YWHAB: variants seen among roughly 807,000 people sequenced by gnomAD.
YWHAB encodes the protein 14-3-3 protein beta/alpha.
A neutral mutation model predicts 28.5 loss-of-function variants in YWHAB; 2 were observed. That is an observed-to-expected ratio of 0.07 (90% CI 0.03 to 0.22). YWHAB has a LOEUF of 0.22. YWHAB is among the 10% of genes least tolerant of loss of function. The pLI, the probability that YWHAB is intolerant of heterozygous loss-of-function variation, is 1.00. For missense variants in YWHAB, 148 were observed against 297.1 expected (o/e 0.50, Z 3.69); for synonymous variants, 103 against 104.7 (o/e 0.98, Z 0.10).
chr20:44,896,799 C>A (rs1245616334), intron 1 of YWHAB, among the ~76,000 whole-genome samples: 1 of 152,164 alleles, frequency 6.6e-6, no homozygotes, highest in Admixed American at 6.5e-5. Context: ...TGTTGTGTAA[C>A]CCATTTCCTG....
At chr20:44,905,831 A>C (rs975694730) in intron 4 of YWHAB, 170 bp from the exon 5 acceptor site, 5 of 555,456 alleles carry the variant, frequency 9.0e-6, no homozygotes, top group Non-Finnish European at 1.6e-5. Context: ...TGCTTTGTAA[A>C]TATGCCTTAT....
intron 1 of YWHAB, among the ~76,000 whole-genome samples, chr20:44,893,244 T>C (rs188511500): frequency 1.3e-5 from 2 of 152,360 alleles, no homozygotes; most frequent in Admixed American, 1.3e-4. Context: ...GGCTGTTTCC[T>C]AGATCCTCTA....
intron 1 of YWHAB, among the ~76,000 whole-genome samples, chr20:44,888,218 G>A (rs966231358): frequency 2.6e-5 from 4 of 152,158 alleles, no homozygotes; most frequent in African/African-American, 9.7e-5. Context: ...GCTATTCATG[G>A]ACATTTATAT....
chr20:44,902,569 G>A (rs1311920224), intron 2 of YWHAB: 3 of 152,134 alleles, frequency 2.0e-5, no homozygotes, highest in Non-Finnish European at 4.4e-5. Context: ...TCACACTTGG[G>A]GACCTACCAC....
At position 44,889,003 on chromosome 20, in the gene YWHAB, C is replaced by G. The variant is rs113085408; in HGVS notation, c.-4+3117C>G. Reference sequence around the variant, plus strand: ...GTGCTACCTGCTCTTTCGGTGTCAACAAACTGAGTTTTCCTTTAAATGCTG... The same window carrying G: ...GTGCTACCTGCTCTTTCGGTGTCAAGAAACTGAGTTTTCCTTTAAATGCTG... On this transcript the variant is annotated intron_variant, in intron 1 of 5. Transcript: ENST00000353703. Among the ~76,000 whole-genome samples, 902 of 152,288 alleles carry G rather than the reference C, an allele frequency of 5.9e-3. 6 individuals carry two copies. Among genetic ancestry groups the G allele is most frequent in the Non-Finnish European group, 8.5e-3 (575 of 68,026 alleles).
intron 2 of YWHAB, chr20:44,902,911 T>G (rs1281530712): frequency 1.5e-5 from 4 of 267,882 alleles, no homozygotes; most frequent in Non-Finnish European, 1.1e-5. Context: ...CATCTGGTAT[T>G]CAGATGAAGT....
At chr20:44,894,638 T>C (rs1035536691) in intron 1 of YWHAB, among the ~76,000 whole-genome samples, 1 of 152,252 alleles carries the variant, frequency 6.6e-6, no homozygotes, top group Non-Finnish European at 1.5e-5. Context: ...TACAGTGTAA[T>C]AGTCGTGGAG....
rs2066662147 is a variant in YWHAB, at chr20:44,907,075, A to G, written c.*637A>G. Reference sequence around the variant, plus strand: ...GAAATGGAAATTCTTTGTGGCAGATAACTGGCTTATGACACCTTGAAAAGT... The same window carrying G: ...GAAATGGAAATTCTTTGTGGCAGATGACTGGCTTATGACACCTTGAAAAGT... On this transcript the variant is annotated 3_prime_UTR_variant, in exon 6 of 6. Transcript: ENST00000353703. 1.3e-5 allele frequency: 2 copies of G among 152,314 alleles called. No homozygotes were observed. The highest frequency in any genetic ancestry group is 4.8e-5 in the African/African-American group (2 of 41,472). 9.4% of individuals were successfully genotyped at this position (152,314 alleles called of 1,614,324 possible).
intron 1 of YWHAB, among the ~76,000 whole-genome samples, chr20:44,888,162 C>T (rs1369016550): frequency 1.3e-5 from 2 of 152,128 alleles, no homozygotes; most frequent in Non-Finnish European, 2.9e-5. Flanking sequence ...ATGTTATTGA[C>T]CATCTGCATG....
intron 1 of YWHAB, among the ~76,000 whole-genome samples, chr20:44,892,747 C>G (rs2066570215): frequency 6.6e-6 from 1 of 152,146 alleles, no homozygotes; most frequent in Non-Finnish European, 1.5e-5. Context: ...CTTTTTAACA[C>G]TGAGAAAACA....
At chr20:44,898,388 T>C (rs1011499845) in intron 1 of YWHAB, among the ~76,000 whole-genome samples, 4 of 152,228 alleles carry the variant, frequency 2.6e-5, no homozygotes, top group African/African-American at 9.6e-5. Context: ...TGTATCTTAT[T>C]GTGCTCCCTA....
At chr20:44,902,961 T>G in intron 2 of YWHAB, 1 of 759,282 alleles carries the variant, frequency 1.3e-6, no homozygotes, top group Non-Finnish European at 1.6e-6. Context: ...CCATAATTCA[T>G]GAAATGTAGA....
At position 44,901,608 on chromosome 20, in the gene YWHAB, T is replaced by G. The variant is rs1601096168; in HGVS notation, c.75T>G (p.Ala25=). 6.2e-7 allele frequency: 1 copy of G among 1,614,104 alleles called. No individual in the cohort carries two copies. The change falls in exon 2 of 6, where the codon GCT becomes GCG. Residue 25 remains alanine, a synonymous_variant. Coordinates refer to ENST00000353703, the MANE Select transcript of YWHAB (RefSeq NM_139323.4). ...AEQAERYDDM[A]AAMKAVTEQG... ...AGGCTGAGCGATATGATGATATGGCTGCAGCCATGAAGGCAGTCACAGAAC... is the reference window on the plus strand; with the variant it reads ...AGGCTGAGCGATATGATGATATGGCGGCAGCCATGAAGGCAGTCACAGAAC...
Position 44,903,973 on chromosome 20 carries a change from TAAC to T in YWHAB, c.301-17_301-15del. On this transcript the variant is annotated splice_polypyrimidine_tract_variant and intron_variant, in intron 2 of 5. Transcript: ENST00000353703. The stretch of plus-strand genomic sequence containing the variant: ...CATCTCGTGAATAATTCTAAATTCT[TAAC>T]AATGTTCATTTTTTAGGAGCTGTTG... 1 of 1,593,872 alleles carries T rather than the reference TAAC, an allele frequency of 6.3e-7. No homozygotes were observed. Among genetic ancestry groups the T allele is most frequent in the African/African-American group, 1.4e-5 (1 of 73,502 alleles).
At chr20:44,889,184 CTA>C (rs999515635) in intron 1 of YWHAB, among the ~76,000 whole-genome samples, 8 of 152,132 alleles carry the variant, frequency 5.3e-5, no homozygotes, top group African/African-American at 1.2e-4. Context: ...CTTTTGATCT[CTA>C]TGTGAATATG....
intron 1 of YWHAB, among the ~76,000 whole-genome samples, chr20:44,896,605 G>A (rs911115435): frequency 7.2e-5 from 11 of 152,198 alleles, no homozygotes; most frequent in African/African-American, 2.7e-4. Context: ...AATTTTGAGC[G>A]GGAAGTGACT....
At position 44,904,042 on chromosome 20, in the gene YWHAB, A is replaced by C. The variant is rs775014630; in HGVS notation, c.350A>C (p.Lys117Thr). Residue 117 changes from lysine (K) to threonine (T), a missense_variant, in exon 3 of 6, where the codon AAG (lysine) becomes ACG (threonine). Physicochemically the swap from Lys to Thr is moderately conservative, Grantham distance 78. This residue lies in a region of YWHAB where 110 missense variants were observed against 177.9 expected (regional missense o/e 0.62). Coordinates refer to ENST00000353703, the MANE Select transcript of YWHAB (RefSeq NM_139323.4). ...CCCAATGCTACACAACCAGAAAGTAAGGTGTTCTACTTGAAAATGAAAGGA... is the reference window on the plus strand; with the variant it reads ...CCCAATGCTACACAACCAGAAAGTACGGTGTTCTACTTGAAAATGAAAGGA... ...LIPNATQPES[K>T]VFYLKMKGDY... 20 of 1,604,070 alleles carry C rather than the reference A, an allele frequency of 1.2e-5. No homozygotes were observed. The highest frequency in any genetic ancestry group is 1.6e-5 in the Non-Finnish European group (19 of 1,177,680).
intron 1 of YWHAB, among the ~76,000 whole-genome samples, chr20:44,890,387 G>A (rs1389129586): frequency 6.6e-6 from 1 of 151,824 alleles, no homozygotes; most frequent in Non-Finnish European, 1.5e-5. Context: ...GTCCACGTAG[G>A]AAATAATTGC....
At chr20:44,904,165 T>G (rs780560434) in intron 3 of YWHAB, 49 bp downstream of exon 3, 1 of 1,603,902 alleles carries the variant, frequency 6.2e-7, no homozygotes, top group Non-Finnish European at 8.5e-7. Context: ...GAGCCAGTCT[T>G]CTTTCACAGG....
Sources: gnomAD v4.1 joint callset for allele counts (sites outside exome capture counted in the v4.1 genomes callset) on GRCh38, gnomAD v4.1.1 for gene constraint, gnomAD v4.1.1 regional missense constraint, MANE v1.5 for transcripts, NCBI Gene and HGNC (gene_info 2026-07-23, HGNC 2026-07-21) for gene names.